CHTF18: variants seen among roughly 807,000 people sequenced by gnomAD.
The protein encoded by CHTF18 is chromosome transmission fidelity protein 18 homolog.
CHTF18 carries 151 observed loss-of-function variants against 113.4 expected under a neutral mutation model. The observed-to-expected ratio is 1.33, with a 90% confidence interval of 1.17 to 1.52. The LOEUF (loss-of-function observed/expected upper bound fraction) is 1.52. Ranked by LOEUF, CHTF18 falls within the 40% of genes most tolerant of loss-of-function variation. The probability of loss-of-function intolerance (pLI) is 0.00; values close to 1 mark genes in which losing one functional copy is unlikely to be tolerated. For missense variants in CHTF18, 1,982 were observed against 1,381.6 expected (o/e 1.43, Z -6.89); for synonymous variants, 916 against 598.8 (o/e 1.53, Z -7.74).
rs771262940 is a variant in CHTF18 at position 796,862 on chromosome 16, G to A, written c.2601+1G>A. On this transcript the variant is annotated splice_donor_variant, in intron 19 of 21. Transcript: ENST00000262315. LOFTEE classifies it high-confidence loss of function. ...TGCCCGGGTAGAGAACAGCCCCCAG[G>A]TGAGCCCACCCAGGCTCTGGAGCAG... 1.9e-5 allele frequency: 31 copies of A among 1,593,718 alleles called. No individual in the cohort carries two copies. The East Asian group carries it at 6.3e-4, about 32-fold the overall frequency.
chr16:797,679 C>A lies in CHTF18; in HGVS notation c.2734-15C>A. On this transcript the variant is annotated splice_polypyrimidine_tract_variant and intron_variant, in intron 20 of 21. Transcript: ENST00000262315. ...CATCTGTCCTATACGACTGACTAGTCCTTCCTCCCATCAGCCTGAGAAGGA... is the reference window on the plus strand; with the variant it reads ...CATCTGTCCTATACGACTGACTAGTACTTCCTCCCATCAGCCTGAGAAGGA... 1 of 1,611,678 alleles carries A rather than the reference C, an allele frequency of 6.2e-7. No individual in the cohort carries two copies. Among genetic ancestry groups the A allele is most frequent in the South Asian group, 1.1e-5 (1 of 90,876 alleles).
chr16:793,089 G>T (rs1180582041), intron 13 of CHTF18, 25 bp downstream of exon 13: 1 of 1,557,084 alleles, frequency 6.4e-7, no homozygotes, highest in East Asian at 2.4e-5. Context: ...GGCACCGGGT[G>T]GGGTGGGGTG....
At position 795,288 on chromosome 16, in the gene CHTF18, G is replaced by T. The variant is rs778840065; in HGVS notation, c.2107G>T (p.Val703Leu). Residue 703 changes from valine (V) to leucine (L), a missense_variant, in exon 16 of 22, where the codon GTG becomes TTG. By Grantham distance (32) the Val-to-Leu change is conservative. Transcript: ENST00000262315. Reference sequence around the variant, plus strand: ...GCTGCGCTACCCACCCTTCCTGCCCGTGGCCTTCCATGTGCTGTTTGCTTC... The same window carrying T: ...GCTGCGCTACCCACCCTTCCTGCCCTTGGCCTTCCATGTGCTGTTTGCTTC... ...QLLRYPPFLP[V>L]AFHVLFASSH... The T allele has an allele frequency of 6.5e-7, 1 of 1,548,912 alleles. No individual in the cohort carries two copies. Among genetic ancestry groups the T allele is most frequent in the Non-Finnish European group, 8.7e-7 (1 of 1,146,724 alleles).
rs530568329 is a variant in CHTF18, at chr16:790,534, G to C, written c.762G>C (p.Ser254=). 1 of 1,599,402 alleles carries C rather than the reference G, an allele frequency of 6.3e-7. No individual in the cohort carries two copies. The highest frequency in any genetic ancestry group is 8.5e-7 in the Non-Finnish European group (1 of 1,173,932). Reference sequence around the variant, plus strand: ...ACGTGGTCCTCTCCAGTCTCAGGTCGGGGGAGGAGGAGGCAGCCCAGCCCT... The same window carrying C: ...ACGTGGTCCTCTCCAGTCTCAGGTCCGGGGAGGAGGAGGCAGCCCAGCCCT... ...KLSDTLHSLR[S]GEEEAAQPLG... The change falls in exon 7 of 22, where the codon TCG becomes TCC. Residue 254 remains serine (S), a synonymous_variant. Coordinates refer to ENST00000262315, the MANE Select transcript of CHTF18 (RefSeq NM_022092.3).
rs201730256 is a variant in CHTF18, at chr16:790,185, C to G, written c.615C>G (p.Leu205=). The part of the protein sequence containing the change: ...DPMAPGVQGS[L]LHVPWRGGGQ... ...TCCTCCCTTCCCCACAGGGCTCTCT[C>G]CTCCACGTCCCATGGCGAGGCGGTG... is the stretch of plus-strand genomic sequence containing the variant. The change falls in exon 5 of 22, where the codon CTC becomes CTG. Residue 205 remains leucine, a synonymous_variant. Transcript: ENST00000262315. 2 of 1,598,280 alleles carry G rather than the reference C, an allele frequency of 1.3e-6. No individual in the cohort carries two copies. The highest frequency in any genetic ancestry group is 1.7e-6 in the Non-Finnish European group (2 of 1,173,388).
intron 14 of CHTF18, among the ~76,000 whole-genome samples, 179 bp downstream of exon 14, chr16:793,453 A>C (rs1029348596): frequency 7.2e-5 from 11 of 151,924 alleles, no homozygotes; most frequent in African/African-American, 2.7e-4. Flanking sequence ...TCGCCCCTAC[A>C]GCCTTGGGGG....
intron 14 of CHTF18, chr16:793,846 G>C (rs575936526): frequency 1.6e-5 from 10 of 639,782 alleles, no homozygotes; most frequent in Admixed American, 5.4e-5. Context: ...CTCTCAGAGT[G>C]GGGCTCCTCG....
Position 791,193 on chromosome 16 carries a change from G to A in CHTF18, c.927G>A (p.Lys309=). Residue 309 remains lysine (K), a synonymous_variant, in exon 8 of 22, where the codon AAG becomes AAA. Transcript: ENST00000262315. ...FTNRCLLKWL[K]LWDLVVFGHE... ...ACCGCTGCCTGCTCAAGTGGCTGAA[G>A]TTGTGGGACCTGGTGGTGTTTGGCC... The A allele has an allele frequency of 6.2e-7, 1 of 1,611,718 alleles. No individual in the cohort carries two copies. Among genetic ancestry groups the A allele is most frequent in the Non-Finnish European group, 8.5e-7 (1 of 1,179,546 alleles).
intron 15 of CHTF18, chr16:794,776 G>A: frequency 3.3e-6 from 1 of 303,144 alleles, no homozygotes; most frequent in South Asian, 4.5e-5. Flanking sequence ...CTGGTGGGCG[G>A]AACTTCCTCA....
chr16:788,908 C>T (rs1335655792), intron 1 of CHTF18, 23 bp from the exon 2 acceptor site: 5 of 1,518,182 alleles, frequency 3.3e-6, no homozygotes, highest in Middle Eastern at 2.4e-4. Context: ...GGGGCGGCCG[C>T]TGACAATCTC....
chr16:795,783 C>A lies in CHTF18; in HGVS notation c.2274C>A (p.Leu758=), dbSNP rs367901504. ...GCCGGGCCACGCCCCAGGCCCTGCT[C>A]CTCGATGCCCTCTGCCTGCTCCTGG... ...TRSRATPQAL[L]LDALCLLLDI... is the part of the protein sequence containing the mutation. The change falls in exon 17 of 22, where the codon CTC becomes CTA. Residue 758 remains leucine (L), a synonymous_variant. Coordinates refer to ENST00000262315, the MANE Select transcript of CHTF18 (RefSeq NM_022092.3). 3.1e-5 allele frequency: 50 copies of A among 1,609,704 alleles called. No individual in the cohort carries two copies. Among genetic ancestry groups the A allele is most frequent in the Non-Finnish European group, 4.2e-5 (50 of 1,179,004 alleles).
At position 792,552 on chromosome 16, in the gene CHTF18, G is replaced by T. The variant is rs187535948; in HGVS notation, c.1440G>T (p.Gly480=). ...GCCGACGGCGCCGGGCAGAGGGGGG[G>T]CTCCTCATGAGGCCCATTATCTGCA... The part of the protein sequence containing the change: ...GGGRRRRAEG[G]LLMRPIICIC... Residue 480 remains glycine (G), a synonymous_variant, in exon 11 of 22, where the codon GGG becomes GGT. Transcript: ENST00000262315. The T allele has an allele frequency of 6.3e-7, 1 of 1,596,398 alleles. No homozygotes were observed. Among genetic ancestry groups the T allele is most frequent in the Non-Finnish European group, 8.5e-7 (1 of 1,175,062 alleles).
chr16:793,959 C>G lies in CHTF18; in HGVS notation c.1803-95C>G, dbSNP rs1475894302. ...CTGCTGAGAAGAATGAAGTGGGTGG[C>G]AGCTCTGATGGGGCCTCTGAGTGTC... On this transcript the variant is annotated intron_variant, in intron 14 of 21. Coordinates refer to ENST00000262315, the MANE Select transcript of CHTF18 (RefSeq NM_022092.3). 12 of 1,393,694 alleles carry G rather than the reference C, an allele frequency of 8.6e-6. No homozygotes were observed. The East Asian group carries it at 2.8e-4, about 32-fold the overall frequency. The allele number at this position is 1,393,694 out of a possible 1,614,324, so 86.3% of individuals were successfully genotyped here.
chr16:795,998 G>C lies in CHTF18; in HGVS notation c.2377G>C (p.Val793Leu). Residue 793 changes from valine to leucine, a missense_variant, in exon 18 of 22, where the codon GTG becomes CTG. Val to Leu is a conservative substitution (Grantham distance 32). Transcript: ENST00000262315. ...TGAAAAGCAACAGCTGGCCAGCCTG[G>C]TGGGCACGATGCTCGCTTACAGCCT... ...TREKQQLASL[V>L]GTMLAYSLTY... is the part of the protein sequence containing the mutation. 2 of 1,608,480 alleles carry C rather than the reference G, an allele frequency of 1.2e-6. No homozygotes were observed. Among genetic ancestry groups the C allele is most frequent in the Admixed American group, 1.7e-5 (1 of 59,554 alleles).
rs561646862 is a variant in CHTF18, at chr16:793,321, C to T, written c.1802+47C>T. The T allele has an allele frequency of 1.1e-4, 182 of 1,593,600 alleles. No homozygotes were observed. The East Asian group carries it at 3.9e-3, about 34-fold the overall frequency. ...GGCCCAGATGCTCACGGTGCCCGGA[C>T]CTCAGGACGCTAGCCCTGTGTGCAG... On this transcript the variant is annotated intron_variant, in intron 14 of 21. Transcript: ENST00000262315.
chr16:792,169 G>A, intron 9 of CHTF18, 55 bp from the exon 10 acceptor site: 5 of 1,536,606 alleles, frequency 3.3e-6, no homozygotes, highest in Non-Finnish European at 4.4e-6. Flanking sequence ...GCCTTGGGAG[G>A]CTGCCCTGCC....
At position 793,033 on chromosome 16, in the gene CHTF18, A is replaced by G. The variant is rs967950237; in HGVS notation, c.1640A>G (p.Asn547Ser). 1.1e-5 allele frequency: 17 copies of G among 1,546,026 alleles called. No individual in the cohort carries two copies. The highest frequency in any genetic ancestry group is 3.4e-4 in the Middle Eastern group (2 of 5,890). ...GCCGCCCTCTGTGAGAAAACTGACA[A>G]TGACATCCGGGCCTGCATCAACACC... ...VLAALCEKTD[N>S]DIRACINTLQ... Residue 547 changes from asparagine to serine, a missense_variant, in exon 13 of 22, where the codon AAT becomes AGT. Coordinates refer to ENST00000262315, the MANE Select transcript of CHTF18 (RefSeq NM_022092.3).
chr16:795,721 C>T lies in CHTF18; in HGVS notation c.2212C>T (p.Gln738Ter). ...NRMSQMRNLI[Q>*]TLVSGIAPAT... is the part of the protein sequence containing the mutation. ...GATGAGCCAGATGAGGAACCTGATC[C>T]AGACGCTGGTGTCCGGCATCGCGCC... is the stretch of plus-strand genomic sequence containing the variant. The change falls in exon 17 of 22, where the codon CAG becomes TAG. Residue 738 changes from glutamine (Q) to a stop codon, truncating the protein, a stop_gained. Transcript: ENST00000262315. LOFTEE classifies it high-confidence loss of function. 8 of 1,606,662 alleles carry T rather than the reference C, an allele frequency of 5.0e-6. No individual in the cohort carries two copies. Among genetic ancestry groups the T allele is most frequent in the Non-Finnish European group, 6.8e-6 (8 of 1,178,082 alleles).
chr16:789,066 G>A lies in CHTF18; in HGVS notation c.227G>A (p.Gly76Asp), dbSNP rs1236978076. ...APAASVGSSQ[G>D]GARKRQVDAD... is the part of the protein sequence containing the mutation. ...GCCGCATCTGTGGGCAGCAGCCAGG[G>A]CGGCGCCAGGAAGAGGCAGGTGGAC... The change falls in exon 2 of 22, where the codon GGC (glycine) becomes GAC (aspartate). Residue 76 changes from glycine (G) to aspartate (D), a missense_variant. By Grantham distance (94) the Gly-to-Asp change is moderately conservative. Transcript: ENST00000262315. 1 of 1,537,074 alleles carries A rather than the reference G, an allele frequency of 6.5e-7. No homozygotes were observed. Among genetic ancestry groups the A allele is most frequent in the East Asian group, 2.5e-5 (1 of 40,736 alleles).
Sources: gnomAD v4.1 joint callset for allele counts (sites outside exome capture counted in the v4.1 genomes callset) on GRCh38, gnomAD v4.1.1 for gene constraint, MANE v1.5 for transcripts, NCBI Gene and HGNC (gene_info 2026-07-23, HGNC 2026-07-21) for gene names.